The following COA1 variants were observed in gnomAD, a reference collection of about 807,000 sequenced individuals.
The protein encoded by COA1 is cytochrome c oxidase assembly factor 1, also known as cytochrome c oxidase assembly factor 1 homolog.
Under a neutral mutation model 16.0 loss-of-function variants are expected in COA1, and 13 were observed. That is an observed-to-expected ratio of 0.81 (90% CI 0.53 to 1.29). The LOEUF (loss-of-function observed/expected upper bound fraction) is 1.29. Among genes scored for constraint, COA1 ranks in the 50% most tolerant of loss-of-function variants. The pLI is 0.00. For synonymous variants in COA1, 65 were observed against 65.7 expected, an observed-to-expected ratio of 0.99 and a Z score of 0.05; for missense variants, 179 against 177.0, an observed-to-expected ratio of 1.01 and a Z score of -0.06.
At chr7:43,698,337 C>A (rs1461250177) in intron 1 of COA1, among the ~76,000 whole-genome samples, 1 of 152,110 alleles carries the variant, frequency 6.6e-6, no homozygotes, top group Admixed American at 6.5e-5. Context: ...TTCTTACAGG[C>A]AAGTCTACCT....
intron 1 of COA1, among the ~76,000 whole-genome samples, chr7:43,713,586 T>C (rs2095314210): frequency 1.3e-5 from 2 of 152,212 alleles, no homozygotes; most frequent in South Asian, 2.1e-4. Context: ...ATATCTGTAA[T>C]TGGGGTAGGA....
At chr7:43,710,323 T>C (rs1415118875) in intron 1 of COA1, among the ~76,000 whole-genome samples, 1 of 118,730 alleles carries the variant, frequency 8.4e-6, no homozygotes, top group African/African-American at 3.2e-5. Context: ...CATTCCAGCT[T>C]GGGTGAAAGA....
chr7:43,710,809 C>T (rs1443287143), intron 1 of COA1, among the ~76,000 whole-genome samples: 1 of 152,138 alleles, frequency 6.6e-6, no homozygotes, highest in African/African-American at 2.4e-5. Context: ...CTTTCCAAAA[C>T]ACCACAGTGC....
At chr7:43,610,987 G>A (rs2082821736) in intron 6 of COA1, among the ~76,000 whole-genome samples, 1 of 151,850 alleles carries the variant, frequency 6.6e-6, no homozygotes, top group Non-Finnish European at 1.5e-5. Flanking sequence ...TGTGGTGGCA[G>A]GCACCTGTAA....
At chr7:43,662,753 T>C (rs960740209) in intron 1 of COA1, among the ~76,000 whole-genome samples, 5 of 152,238 alleles carry the variant, frequency 3.3e-5, no homozygotes, top group African/African-American at 1.2e-4. Flanking sequence ...TTCTCAGTTT[T>C]AATTTCTAAT....
intron 6 of COA1, among the ~76,000 whole-genome samples, chr7:43,613,861 A>C (rs2083097700): frequency 6.6e-6 from 1 of 152,126 alleles, no homozygotes; most frequent in Non-Finnish European, 1.5e-5. Flanking sequence ...TTTTATTAAA[A>C]CATTAATTTC....
At chr7:43,636,921 G>C (rs17439848), downstream of COA1, among the ~76,000 whole-genome samples, 22,362 of 152,182 alleles carry the variant, frequency 0.15, 2,187 homozygotes, top group Non-Finnish European at 0.21. Flanking sequence ...AATGTCAACA[G>C]TGGCATTCAC....
At chr7:43,705,790 T>C (rs2094947784) in intron 1 of COA1, among the ~76,000 whole-genome samples, 1 of 152,166 alleles carries the variant, frequency 6.6e-6, no homozygotes, top group African/African-American at 2.4e-5. Context: ...TCATGGGGTC[T>C]CCCACAGGTA....
chr7:43,676,117 A>G (rs1487217647), intron 1 of COA1, among the ~76,000 whole-genome samples: 1 of 152,184 alleles, frequency 6.6e-6, no homozygotes, highest in African/African-American at 2.4e-5. Flanking sequence ...TTAAAATGTT[A>G]GCAGCATACC....
At chr7:43,647,408 T>A (rs1206934570) in intron 3 of COA1, 127 bp downstream of exon 3, 2 of 732,306 alleles carry the variant, frequency 2.7e-6, no homozygotes, top group African/African-American at 3.5e-5. Context: ...AATGGTGGAC[T>A]AGCCTTTAAA....
At chr7:43,715,456 C>T (rs2690388) in intron 1 of COA1, among the ~76,000 whole-genome samples, 39,800 of 147,574 alleles carry the variant, frequency 0.27, 5,732 homozygotes, top group South Asian at 0.44. Flanking sequence ...CCAGCCTGGG[C>T]AACAGAGCAA....
chr7:43,669,729 C>G (rs907269784), intron 1 of COA1, among the ~76,000 whole-genome samples: 5 of 150,372 alleles, frequency 3.3e-5, no homozygotes, highest in African/African-American at 1.2e-4. Flanking sequence ...TTCCTTCTTT[C>G]TTGCCTATTA....
intron 1 of COA1, among the ~76,000 whole-genome samples, chr7:43,670,114 A>G (rs575380976): frequency 6.6e-6 from 1 of 152,330 alleles, no homozygotes; most frequent in South Asian, 2.1e-4. Flanking sequence ...TCTGAATAAC[A>G]TGGATATTTT....
chr7:43,664,979 A>T (rs1006126789), intron 1 of COA1, among the ~76,000 whole-genome samples: 1 of 152,226 alleles, frequency 6.6e-6, no homozygotes, highest in East Asian at 1.9e-4. Context: ...TTATGCAAGC[A>T]TACTGGAAGT....
At chr7:43,608,530 CTT>C (rs1240638290) in exon 7 of COA1, 2 of 1,072,418 alleles carry the variant, frequency 1.9e-6, no homozygotes, top group African/African-American at 3.2e-5. Flanking sequence ...AGAATTGAGT[CTT>C]TACTCCTATC....
intron 6 of COA1, among the ~76,000 whole-genome samples, chr7:43,615,091 T>C (rs565519038): frequency 1.2e-4 from 18 of 152,342 alleles, no homozygotes; most frequent in African/African-American, 4.3e-4. Flanking sequence ...CAATTATGAA[T>C]ATGTATCACT....
chr7:43,646,381 CTTGTG>C (rs1260218662), intron 3 of COA1: 41 of 357,786 alleles, frequency 1.1e-4, no homozygotes, highest in South Asian at 7.4e-4. Flanking sequence ...TTCAACAGCT[CTTGTG>C]TTGTGAGATT....
At chr7:43,728,262 C>T (rs2095660509) in intron 1 of COA1, among the ~76,000 whole-genome samples, 2 of 152,176 alleles carry the variant, frequency 1.3e-5, no homozygotes, top group Non-Finnish European at 2.9e-5. Context: ...GCGTGAGGCA[C>T]CGCTACGTTT....
intron 1 of COA1, among the ~76,000 whole-genome samples, chr7:43,693,456 G>A (rs946912755): frequency 6.6e-6 from 1 of 151,920 alleles, no homozygotes; most frequent in Non-Finnish European, 1.5e-5. Flanking sequence ...TGACCTCGGC[G>A]GTTCATTCCC....
Sources: allele counts gnomAD v4.1 joint callset (sites outside exome capture counted in the v4.1 genomes callset), GRCh38; gene constraint gnomAD v4.1.1; transcripts MANE v1.5; gene names NCBI Gene and HGNC (gene_info 2026-07-23, HGNC 2026-07-21).